Variants in SNAP91 observed in about 807,000 individuals in gnomAD.
The protein encoded by SNAP91 is clathrin coat assembly protein AP180.
A neutral mutation model predicts 100.3 loss-of-function variants in SNAP91; 27 were observed. The observed-to-expected ratio is 0.27, with a 90% confidence interval of 0.20 to 0.37. The LOEUF is 0.37. Among genes scored for constraint, SNAP91 ranks in the 10% least tolerant of loss-of-function variants. The pLI, the probability that SNAP91 is intolerant of heterozygous loss-of-function variation, is 1.00. For missense variants in SNAP91, 986 were observed against 1,123.7 expected (o/e 0.88, Z 1.75); for synonymous variants, 404 against 398.6 (o/e 1.01, Z -0.16).
At chr6:83,571,110 CT>C (rs60946158) in intron 26 of SNAP91, among the ~76,000 whole-genome samples, 106 of 144,932 alleles carry the variant, frequency 7.3e-4, no homozygotes, top group Admixed American at 1.0e-3. Flanking sequence ...GCGCCCACCT[CT>C]TTTTTTTTTT....
chr6:83,705,827 A>G (rs1471837362), intron 2 of SNAP91, among the ~76,000 whole-genome samples: 1 of 151,884 alleles, frequency 6.6e-6, no homozygotes, highest in Non-Finnish European at 1.5e-5. Flanking sequence ...AAAAAAAGCC[A>G]TGAAAGTTAA....
At chr6:83,667,135 T>C (rs143821893) in intron 2 of SNAP91, among the ~76,000 whole-genome samples, 62 of 152,132 alleles carry the variant, frequency 4.1e-4, no homozygotes, top group African/African-American at 1.4e-3. Context: ...CATTACAAAA[T>C]AACGCATGGG....
chr6:83,612,788 G>A (rs2128322539), intron 11 of SNAP91, among the ~76,000 whole-genome samples: 1 of 151,750 alleles, frequency 6.6e-6, no homozygotes, highest in Middle Eastern at 3.4e-3. Context: ...CTACTCAGGA[G>A]GCTGAGGCAG....
chr6:83,681,587 A>G (rs1234337630), intron 2 of SNAP91, among the ~76,000 whole-genome samples: 1 of 152,218 alleles, frequency 6.6e-6, no homozygotes, highest in African/African-American at 2.4e-5. Flanking sequence ...AAAAGTTAGA[A>G]AACATCAAGG....
At chr6:83,640,998 T>C in intron 8 of SNAP91, 98 bp downstream of exon 8, 5 of 675,962 alleles carry the variant, frequency 7.4e-6, no homozygotes, top group Non-Finnish European at 1.2e-5. Context: ...CCAACCCTAA[T>C]ATACTGTGAC....
At chr6:83,565,276 C>T (rs535670197) in intron 26 of SNAP91, among the ~76,000 whole-genome samples, 2 of 152,106 alleles carry the variant, frequency 1.3e-5, no homozygotes, top group South Asian at 2.1e-4. Flanking sequence ...AAGTTCATCA[C>T]CAGAGATAAC....
intron 2 of SNAP91, among the ~76,000 whole-genome samples, chr6:83,702,611 TCAACATTTTAAA>T (rs2099327903): frequency 6.6e-6 from 1 of 152,014 alleles, no homozygotes. Context: ...TTTTTCCATA[TCAACATTTTAAA>T]TCACTAAAAC....
intron 26 of SNAP91, among the ~76,000 whole-genome samples, chr6:83,565,388 TAG>T (rs1047520921): frequency 1.4e-4 from 22 of 152,164 alleles, no homozygotes; most frequent in African/African-American, 5.3e-4. Context: ...TTTGCCACCT[TAG>T]AGAGTCAAAG....
chr6:83,562,034 A>G (rs772788501), intron 26 of SNAP91, among the ~76,000 whole-genome samples: 2 of 152,188 alleles, frequency 1.3e-5, no homozygotes, highest in African/African-American at 2.4e-5. Context: ...CTAAAAAAAC[A>G]TCAATAACAA....
intron 22 of SNAP91, among the ~76,000 whole-genome samples, chr6:83,588,957 G>A (rs1433927209): frequency 6.6e-6 from 1 of 152,168 alleles, no homozygotes; most frequent in Non-Finnish European, 1.5e-5. Flanking sequence ...TGTGGCAGGG[G>A]ATGGGATACC....
intron 2 of SNAP91, among the ~76,000 whole-genome samples, chr6:83,669,539 G>A (rs1160059652): frequency 6.6e-6 from 1 of 151,662 alleles, no homozygotes; most frequent in Non-Finnish European, 1.5e-5. Flanking sequence ...TGTACTATTT[G>A]ATAAGTTTTG....
chr6:83,684,929 C>A (rs1318513948), intron 2 of SNAP91, among the ~76,000 whole-genome samples: 1 of 152,206 alleles, frequency 6.6e-6, no homozygotes, highest in Non-Finnish European at 1.5e-5. Flanking sequence ...ACACCAAGAT[C>A]TGTGCCTCTT....
chr6:83,565,734 G>A (rs1208734955), intron 26 of SNAP91, among the ~76,000 whole-genome samples: 1 of 152,070 alleles, frequency 6.6e-6, no homozygotes, highest in Non-Finnish European at 1.5e-5. Context: ...AGTCATTAGG[G>A]AAATGCATAT....
rs754021482 is a variant in SNAP91, at chr6:83,593,014, G to C, written c.1778C>G (p.Ala593Gly). 1.9e-6 allele frequency: 3 copies of C among 1,578,552 alleles called. No homozygotes were observed. Among genetic ancestry groups the C allele is most frequent in the East Asian group, 2.3e-5 (1 of 43,114 alleles). The change falls in exon 20 of 30, where the codon GCT (alanine) becomes GGT (glycine). Residue 593 changes from alanine (A) to glycine (G), a missense_variant. Ala to Gly is a moderately conservative substitution (Grantham distance 60). This residue lies in a region of SNAP91 where 575 missense variants were observed against 579.9 expected (regional missense o/e 0.99). Coordinates refer to ENST00000369694, the MANE Select transcript of SNAP91 (RefSeq NM_001242792.2). Reference sequence around the variant, plus strand: ...GGCCCCTTGTGGTGGAGAGGAGAAAGCATCTTCCAAAAGTGAAACAAACCA... The same window carrying C: ...GGCCCCTTGTGGTGGAGAGGAGAAACCATCTTCCAAAAGTGAAACAAACCA... ...APSIDLFSTD[A>G]FSSPPQGASP...
chr6:83,700,815 C>T (rs759730279), intron 2 of SNAP91, among the ~76,000 whole-genome samples: 6 of 152,008 alleles, frequency 3.9e-5, no homozygotes, highest in Non-Finnish European at 7.4e-5. Flanking sequence ...CCAGGCTGGT[C>T]TCAAACTCCT....
chr6:83,593,605 A>G lies in SNAP91; in HGVS notation c.1569T>C (p.Pro523=). The change falls in exon 18 of 30, where the codon CCT becomes CCC. Residue 523 remains proline, a synonymous_variant. Coordinates refer to ENST00000369694, the MANE Select transcript of SNAP91 (RefSeq NM_001242792.2). ...STAPPVPATA[P]SPAPAVAAAA... ...CAGCTGCAACGGCAGGAGCAGGAGA[A>G]GGAGCAGTTGCGGGAACTGGAGGGG... 2 of 1,591,972 alleles carry G rather than the reference A, an allele frequency of 1.3e-6. No individual in the cohort carries two copies. The highest frequency in any genetic ancestry group is 1.7e-6 in the Non-Finnish European group (2 of 1,169,222).
At chr6:83,615,814 G>T (rs1458136184) in intron 10 of SNAP91, among the ~76,000 whole-genome samples, 1 of 152,078 alleles carries the variant, frequency 6.6e-6, no homozygotes, top group African/African-American at 2.4e-5. Flanking sequence ...CAAGACACAA[G>T]CCTAGATTCT....
In SNAP91 at chr6:83,560,189, A is replaced by G; in HGVS notation, c.2546T>C (p.Met849Thr). 6.2e-7 allele frequency: 1 copy of G among 1,613,908 alleles called. No individual in the cohort carries two copies. Among genetic ancestry groups the G allele is most frequent in the Non-Finnish European group, 8.5e-7 (1 of 1,179,854 alleles). Residue 849 changes from methionine to threonine, a missense_variant, in exon 28 of 30, where the codon ATG becomes ACG. Physicochemically the swap from Met to Thr is moderately conservative, Grantham distance 81. Coordinates refer to ENST00000369694, the MANE Select transcript of SNAP91 (RefSeq NM_001242792.2). ...GACCGGCTGCTGAGGCATCATGGGC[A>G]TGCCTGTCCCAGCAGGAGGCTGAGG... Reference protein sequence around the residue: ...GFGMPPAGTGMPMMPQQPVMF... With the variant: ...GFGMPPAGTGTPMMPQQPVMF...
intron 16 of SNAP91, among the ~76,000 whole-genome samples, chr6:83,599,375 T>C (rs1023197885): frequency 4.6e-5 from 7 of 152,206 alleles, no homozygotes; most frequent in Non-Finnish European, 1.0e-4. Context: ...AAAATTATTA[T>C]GCATCCTGTC....
Sources: allele counts gnomAD v4.1 joint callset (sites outside exome capture counted in the v4.1 genomes callset), GRCh38; gene constraint gnomAD v4.1.1; regional missense constraint gnomAD v4.1.1; transcripts MANE v1.5; gene names NCBI Gene and HGNC (gene_info 2026-07-23, HGNC 2026-07-21).